The following CXCR3 variants were observed in gnomAD, a reference collection of about 807,000 sequenced individuals.
CXCR3 encodes the protein C-X-C chemokine receptor type 3.
For synonymous variants in CXCR3, 136 were observed against 148.0 expected (o/e 0.92, Z 0.59); for missense variants, 239 against 310.2 (o/e 0.77, Z 1.72).
rs2040856446 is a variant in CXCR3 at position 71,617,108 on chromosome X, C to A, written c.364G>T (p.Gly122Cys). 2.5e-6 allele frequency: 3 copies of A among 1,202,350 alleles called. No individual in the cohort carries two copies. Among genetic ancestry groups the A allele is most frequent in the Non-Finnish European group, 3.4e-6 (3 of 888,779 alleles). Reference sequence around the variant, plus strand: ...AGGGCACCTGCCACTTTGCAGAGGCCAGAGCCAAAGACCCACTGGACGGCA... The same window carrying A: ...AGGGCACCTGCCACTTTGCAGAGGCAAGAGCCAAAGACCCACTGGACGGCA... ...DAAVQWVFGS[G>C]LCKVAGALFN... The change falls in exon 2 of 2, where the codon GGC (glycine) becomes TGC (cysteine). Residue 122 changes from glycine to cysteine, a missense_variant. Physicochemically the swap from Gly to Cys is radical, Grantham distance 159. Coordinates refer to ENST00000373693, the MANE Select transcript of CXCR3 (RefSeq NM_001504.2).
rs754230813 is a variant in CXCR3 at position 71,617,135 on chromosome X, C to T, written c.337G>A (p.Ala113Thr). 4.2e-6 allele frequency: 5 copies of T among 1,204,574 alleles called. No individual in the cohort carries two copies. The highest frequency in any genetic ancestry group is 3.0e-5 in the East Asian group (1 of 33,588). ...GAGCCAAAGACCCACTGGACGGCAG[C>T]GTCCACTGCCCAGAGCGGCAGTGTC... ...VLTLPLWAVD[A>T]AVQWVFGSGL... Residue 113 changes from alanine to threonine, a missense_variant, in exon 2 of 2, where the codon GCT (alanine) becomes ACT (threonine). Transcript: ENST00000373693.
chrX:71,617,287 A>T lies in CXCR3; in HGVS notation c.185T>A (p.Leu62His). ...GCCCAGCAGCCCCAGCAGAAAGAGGAGGCTGTAGAGGGCTGGCAGGAAGGC... is the reference window on the plus strand; with the variant it reads ...GCCCAGCAGCCCCAGCAGAAAGAGGTGGCTGTAGAGGGCTGGCAGGAAGGC... ...DRAFLPALYS[L>H]LFLLGLLGNG... Residue 62 changes from leucine to histidine, a missense_variant, in exon 2 of 2, where the codon CTC becomes CAC. By Grantham distance (99) the Leu-to-His change is moderately conservative (BLOSUM62 -3). Coordinates refer to ENST00000373693, the MANE Select transcript of CXCR3 (RefSeq NM_001504.2). 2 of 1,202,837 alleles carry T rather than the reference A, an allele frequency of 1.7e-6. No individual in the cohort carries two copies. The highest frequency in any genetic ancestry group is 2.2e-6 in the Non-Finnish European group (2 of 890,864).
In CXCR3 at chrX:71,616,377, G is replaced by A; in HGVS notation, c.1095C>T (p.Tyr365=). ...CCGGATTCCGGCCTCACAAGCCCGA[G>A]TAGGAGGCCTCTGAGGTCTCAGACC... The part of the protein sequence containing the change: ...SSWSETSEAS[Y]SGL Residue 365 remains tyrosine (Y), a synonymous_variant, in exon 2 of 2, where the codon TAC becomes TAT. Transcript: ENST00000373693. The A allele has an allele frequency of 1.7e-6, 2 of 1,191,886 alleles. No homozygotes were observed. Among genetic ancestry groups the A allele is most frequent in the Non-Finnish European group, 2.3e-6 (2 of 883,300 alleles).
chrX:71,616,587 C>A lies in CXCR3; in HGVS notation c.885G>T (p.Arg295Ser). The A allele has an allele frequency of 1.7e-6, 2 of 1,211,905 alleles. No individual in the cohort carries two copies. Among genetic ancestry groups the A allele is most frequent in the Non-Finnish European group, 2.2e-6 (2 of 895,551 alleles). Residue 295 changes from arginine to serine, a missense_variant, in exon 2 of 2, where the codon AGG becomes AGT. Transcript: ENST00000373693. ...AGGTGACCGACTTGGCCACGTCTAC[C>A]CTGCTTTCTCGGCCACAGTTGCGGG... is the stretch of plus-strand genomic sequence containing the variant. The part of the protein sequence containing the change: ...ALARNCGRES[R>S]VDVAKSVTSG...
chrX:71,618,289 G>C, intron 1 of CXCR3, 149 bp downstream of exon 1: 1 of 904,317 alleles, frequency 1.1e-6, no homozygotes, highest in Non-Finnish European at 1.5e-6. Context: ...CAATTCCCCA[G>C]TGCTGTTTCT....
rs149887770 is a variant in CXCR3, at chrX:71,618,440, C to G, written c.10G>C (p.Glu4Gln). The G allele has an allele frequency of 2.0e-5, 24 of 1,201,436 alleles. No individual in the cohort carries two copies. In the African/African-American group the frequency reaches 3.1e-4, roughly 16 times the overall value. Reference protein sequence around the residue: MVLEVSDHQVLNDA... With the variant: MVLQVSDHQVLNDA... ...CCTGGCTGGGCAGCAGCACTTACCT[C>G]AAGGACCATGGCTGGGCTGGTGCTC... Residue 4 changes from glutamate (E) to glutamine (Q), a missense_variant and splice_region_variant, in exon 1 of 2, where the codon GAG (glutamate) becomes CAG (glutamine). Glu to Gln is a conservative substitution (Grantham distance 29). Coordinates refer to ENST00000373693, the MANE Select transcript of CXCR3 (RefSeq NM_001504.2).
intron 1 of CXCR3, 38 bp downstream of exon 1, chrX:71,618,400 C>T (rs200497008): frequency 1.1e-5 from 13 of 1,209,961 alleles, no homozygotes; most frequent in East Asian, 3.0e-5. Context: ...TTTTCCACTT[C>T]GAATTCTGGC....
rs1404987009 is a variant in CXCR3 at position 71,616,311 on chromosome X, C to G, written c.*54G>C. The G allele has an allele frequency of 8.8e-7, 1 of 1,132,709 alleles. No individual in the cohort carries two copies. Among genetic ancestry groups the G allele is most frequent in the Non-Finnish European group, 1.2e-6 (1 of 855,406 alleles). 93.3% of individuals were successfully genotyped at this position (1,132,709 alleles called of 1,213,427 possible). A position where few individuals can be genotyped will look rare whatever the true frequency, so the allele number is the denominator to read the frequency against. On this transcript the variant is annotated 3_prime_UTR_variant, in exon 2 of 2. Coordinates refer to ENST00000373693, the MANE Select transcript of CXCR3 (RefSeq NM_001504.2). Reference sequence around the variant, plus strand: ...CAGAGCCGGCAGAGGGAGGGAGGAGCCTGGAATGCGGGGAAGTCAGACTGT... The same window carrying G: ...CAGAGCCGGCAGAGGGAGGGAGGAGGCTGGAATGCGGGGAAGTCAGACTGT...
In CXCR3 at chrX:71,616,340, C is replaced by T; in HGVS notation, c.*25G>A. The T allele has an allele frequency of 1.0e-5, 12 of 1,160,403 alleles. No homozygotes were observed. Among genetic ancestry groups the T allele is most frequent in the Non-Finnish European group, 1.4e-5 (12 of 867,706 alleles). On this transcript the variant is annotated 3_prime_UTR_variant, in exon 2 of 2. Transcript: ENST00000373693. ...GAATGCGGGGAAGTCAGACTGTGGG[C>T]GAAAGGGGAGCCCGGATTCCGGCCT...
At chrX:71,617,672 T>C in intron 1 of CXCR3, 1 of 1,101,351 alleles carries the variant, frequency 9.1e-7, no homozygotes, top group East Asian at 3.3e-5. Context: ...TCTCTCGCAT[T>C]CTTCTGCGTG....
chrX:71,617,918 C>T (rs1397146295), intron 1 of CXCR3, among the ~76,000 whole-genome samples: 1 of 106,062 alleles, frequency 9.4e-6, no homozygotes. Context: ...GGGACCCCAA[C>T]TTCCTGCGCC....
Position 71,616,676 on chromosome X carries a change from G to A in CXCR3, c.796C>T (p.Leu266Phe). The A allele has an allele frequency of 8.3e-7, 1 of 1,211,408 alleles. No individual in the cohort carries two copies. The highest frequency in any genetic ancestry group is 1.1e-6 in the Non-Finnish European group (1 of 895,289). ...LVVVVVVAFALCWTPYHLVVL... is the reference protein window; with the variant it reads ...LVVVVVVAFAFCWTPYHLVVL... ...ACCAGGTGATAGGGGGTCCAGCAGA[G>A]GGCAAAGGCCACCACGACCACCACC... The change falls in exon 2 of 2, where the codon CTC becomes TTC. Residue 266 changes from leucine to phenylalanine, a missense_variant. Physicochemically the swap from Leu to Phe is conservative, Grantham distance 22 (BLOSUM62 0). Coordinates refer to ENST00000373693, the MANE Select transcript of CXCR3 (RefSeq NM_001504.2).
chrX:71,617,199 G>C lies in CXCR3; in HGVS notation c.273C>G (p.Phe91Leu). 1 of 1,205,137 alleles carries C rather than the reference G, an allele frequency of 8.3e-7. No homozygotes were observed. Among genetic ancestry groups the C allele is most frequent in the Non-Finnish European group, 1.1e-6 (1 of 892,221 alleles). Reference protein sequence around the residue: ...RRTALSSTDTFLLHLAVADTL... With the variant: ...RRTALSSTDTLLLHLAVADTL... ...TGTCTGCTACAGCTAGGTGGAGCAG[G>C]AAGGTGTCGGTGCTGCTCAGGGCTG... The change falls in exon 2 of 2, where the codon TTC becomes TTG. Residue 91 changes from phenylalanine (F) to leucine (L), a missense_variant. Transcript: ENST00000373693.
Position 71,618,483 on chromosome X carries a change from G to T in CXCR3, c.-34C>A. 1.9e-6 allele frequency: 2 copies of T among 1,050,434 alleles called. No individual in the cohort carries two copies. The highest frequency in any genetic ancestry group is 2.7e-6 in the Non-Finnish European group (2 of 748,768). 86.6% of individuals were successfully genotyped at this position (1,050,434 alleles called of 1,213,427 possible). Reference sequence around the variant, plus strand: ...TGGTGCTCTGGCTGCTGGGTGGTGTGCTGCCTGCCCCTCTGCTTTGGTGCT... The same window carrying T: ...TGGTGCTCTGGCTGCTGGGTGGTGTTCTGCCTGCCCCTCTGCTTTGGTGCT... On this transcript the variant is annotated 5_prime_UTR_variant, in exon 1 of 2. Coordinates refer to ENST00000373693, the MANE Select transcript of CXCR3 (RefSeq NM_001504.2).
Position 71,617,199 on chromosome X carries a change from G to T in CXCR3, c.273C>A (p.Phe91Leu). 1 of 1,205,136 alleles carries T rather than the reference G, an allele frequency of 8.3e-7. No homozygotes were observed. The highest frequency in any genetic ancestry group is 1.1e-6 in the Non-Finnish European group (1 of 892,220). The change falls in exon 2 of 2, where the codon TTC (phenylalanine) becomes TTA (leucine). Residue 91 changes from phenylalanine to leucine, a missense_variant. Transcript: ENST00000373693. ...TGTCTGCTACAGCTAGGTGGAGCAGGAAGGTGTCGGTGCTGCTCAGGGCTG... is the reference window on the plus strand; with the variant it reads ...TGTCTGCTACAGCTAGGTGGAGCAGTAAGGTGTCGGTGCTGCTCAGGGCTG... Reference protein sequence around the residue: ...RRTALSSTDTFLLHLAVADTL... With the variant: ...RRTALSSTDTLLLHLAVADTL...
intron 1 of CXCR3, 64 bp downstream of exon 1, chrX:71,618,374 C>T (rs1413925406): frequency 2.5e-6 from 3 of 1,209,239 alleles, no homozygotes; most frequent in Non-Finnish European, 3.4e-6. Context: ...CCCTGGCATT[C>T]CCCTGATGCC....
At position 71,617,076 on chromosome X, in the gene CXCR3, G is replaced by A. The variant is rs756721427; in HGVS notation, c.396C>T (p.Asn132=). The A allele has an allele frequency of 1.7e-6, 2 of 1,196,496 alleles. No individual in the cohort carries two copies. Among genetic ancestry groups the A allele is most frequent in the South Asian group, 1.8e-5 (1 of 55,045 alleles). Residue 132 remains asparagine, a synonymous_variant, in exon 2 of 2, where the codon AAC becomes AAT. Transcript: ENST00000373693. ...GLCKVAGALF[N]INFYAGALLL... The stretch of plus-strand genomic sequence containing the variant: ...GGAGGGCTCCTGCGTAGAAGTTGAT[G>A]TTGAAGAGGGCACCTGCCACTTTGC...
chrX:71,618,112 G>A (rs1401526752), intron 1 of CXCR3, among the ~76,000 whole-genome samples: 9 of 107,067 alleles, frequency 8.4e-5, no homozygotes, highest in Admixed American at 2.0e-4. Flanking sequence ...GGACCTGCAG[G>A]TCTCCCCAGT....
chrX:71,617,273 C>A lies in CXCR3; in HGVS notation c.199G>T (p.Gly67Trp). The A allele has an allele frequency of 8.3e-7, 1 of 1,201,064 alleles. No homozygotes were observed. Among genetic ancestry groups the A allele is most frequent in the East Asian group, 3.0e-5 (1 of 33,477 alleles). ...GCCACCGCGCCGTTGCCCAGCAGCC[C>A]CAGCAGAAAGAGGAGGCTGTAGAGG... ...PALYSLLFLL[G>W]LLGNGAVAAV... The change falls in exon 2 of 2, where the codon GGG (glycine) becomes TGG (tryptophan). Residue 67 changes from glycine to tryptophan, a missense_variant. Coordinates refer to ENST00000373693, the MANE Select transcript of CXCR3 (RefSeq NM_001504.2).
Sources: gnomAD v4.1 joint callset for allele counts (sites outside exome capture counted in the v4.1 genomes callset) on GRCh38, gnomAD v4.1.1 for gene constraint, MANE v1.5 for transcripts, NCBI Gene and HGNC (gene_info 2026-07-23, HGNC 2026-07-21) for gene names.